The following MEF2A variants were observed in gnomAD, a reference collection of about 807,000 sequenced individuals.
The protein encoded by MEF2A is myocyte-specific enhancer factor 2A.
Under a neutral mutation model 55.8 loss-of-function variants are expected in MEF2A, and 28 were observed. The observed-to-expected ratio is 0.50, with a 90% CI of 0.37 to 0.69. The LOEUF (loss-of-function observed/expected upper bound fraction) is 0.69. Ranked by LOEUF, MEF2A falls within the 30% of genes least tolerant of loss-of-function variation. MEF2A has a pLI of 0.00. For missense variants in MEF2A, 528 were observed against 626.2 expected, an observed-to-expected ratio of 0.84 and a Z score of 1.67; for synonymous variants, 239 against 227.1, an observed-to-expected ratio of 1.05 and a Z score of -0.47.
chr15:99,579,306 G>GTT (rs372720996), intron 1 of MEF2A, among the ~76,000 whole-genome samples: 3 of 146,118 alleles, frequency 2.1e-5, no homozygotes, highest in African/African-American at 7.5e-5. Context: ...CTGCTTTAGG[G>GTT]TTTTTTTTTT....
chr15:99,596,033 T>C (rs7163683), intron 1 of MEF2A, among the ~76,000 whole-genome samples: 69,965 of 152,046 alleles, frequency 0.46, 17,753 homozygotes, highest in Middle Eastern at 0.61. Flanking sequence ...TAGTTTTTTT[T>C]TTTAAAGAGC....
chr15:99,672,891 G>T (rs1252958644), intron 5 of MEF2A, among the ~76,000 whole-genome samples: 1 of 152,150 alleles, frequency 6.6e-6, no homozygotes, highest in Admixed American at 6.5e-5. Context: ...AGATGTCTCT[G>T]TCTCAGCTAC....
At chr15:99,655,375 G>A (rs2047536258) in intron 4 of MEF2A, among the ~76,000 whole-genome samples, 1 of 152,100 alleles carries the variant, frequency 6.6e-6, no homozygotes, top group Non-Finnish European at 1.5e-5. Context: ...TTATGGAATA[G>A]CGGCTTTGCA....
chr15:99,593,132 C>T (rs774346337), intron 1 of MEF2A, among the ~76,000 whole-genome samples: 21 of 152,200 alleles, frequency 1.4e-4, no homozygotes, highest in African/African-American at 1.7e-4. Flanking sequence ...TCTAGAATCC[C>T]TCTGCAGATT....
chr15:99,705,840 A>T (rs1168961075), intron 9 of MEF2A, among the ~76,000 whole-genome samples: 1 of 152,230 alleles, frequency 6.6e-6, no homozygotes, highest in Non-Finnish European at 1.5e-5. Flanking sequence ...AAAAACAAAT[A>T]GAGTTGTGCT....
intron 1 of MEF2A, among the ~76,000 whole-genome samples, chr15:99,597,831 A>G (rs530443016): frequency 6.6e-6 from 1 of 152,266 alleles, no homozygotes; most frequent in Admixed American, 6.5e-5. Flanking sequence ...CCCGATAACT[A>G]GTGTTCCTTT....
At chr15:99,590,521 C>T (rs554651338) in intron 1 of MEF2A, among the ~76,000 whole-genome samples, 1 of 149,678 alleles carries the variant, frequency 6.7e-6, no homozygotes, top group South Asian at 2.2e-4. Context: ...TTAAGTGTAC[C>T]ATCTTGCCAT....
rs1057276315 is a variant in MEF2A at position 99,713,782 on chromosome 15, C to G, written c.*1011C>G. On this transcript the variant is annotated 3_prime_UTR_variant, in exon 12 of 12. Transcript: ENST00000557942. ...AAACAAAAATATCTTGCAAGCAGAA[C>G]CTTGGAAAAAAAAAGCCATGAACAC... 1 of 151,318 alleles carries G rather than the reference C, an allele frequency of 6.6e-6. No homozygotes were observed. The highest frequency in any genetic ancestry group is 1.5e-5 in the Non-Finnish European group (1 of 67,870). The allele number at this position is 151,318 out of a possible 1,614,324, so 9.4% of individuals were successfully genotyped here.
chr15:99,586,303 A>G (rs2152917796), intron 1 of MEF2A, among the ~76,000 whole-genome samples: 1 of 152,312 alleles, frequency 6.6e-6, no homozygotes, highest in Non-Finnish European at 1.5e-5. Flanking sequence ...TCAGTAGTAA[A>G]TGAGAGTTCC....
At chr15:99,649,941 T>A (rs1245914071) in intron 4 of MEF2A, among the ~76,000 whole-genome samples, 7 of 152,172 alleles carry the variant, frequency 4.6e-5, no homozygotes, top group East Asian at 1.9e-4. Context: ...TATAATTTTT[T>A]AAAAATAGCC....
intron 3 of MEF2A, among the ~76,000 whole-genome samples, chr15:99,642,755 G>GCACT (rs2045262417): frequency 6.6e-6 from 1 of 152,154 alleles, no homozygotes; most frequent in African/African-American, 2.4e-5. Context: ...GAATCTTGTA[G>GCACT]CACTAATCAG....
chr15:99,592,250 A>T (rs1969553963), intron 1 of MEF2A, among the ~76,000 whole-genome samples: 1 of 152,002 alleles, frequency 6.6e-6, no homozygotes, highest in Non-Finnish European at 1.5e-5. Flanking sequence ...CTCTGGGTGG[A>T]ACTTGAACAT....
At chr15:99,704,338 T>C (rs1263783635) in intron 9 of MEF2A, among the ~76,000 whole-genome samples, 1 of 152,242 alleles carries the variant, frequency 6.6e-6, no homozygotes, top group Non-Finnish European at 1.5e-5. Flanking sequence ...CTCACAGTTT[T>C]GGGTGTAGTT....
At chr15:99,689,670 G>A (rs2054989756) in intron 7 of MEF2A, among the ~76,000 whole-genome samples, 6 of 152,060 alleles carry the variant, frequency 3.9e-5, no homozygotes. Context: ...TAGTAGAGAC[G>A]GGGTTTCAAC....
chr15:99,690,956 A>G (rs2055307589), intron 8 of MEF2A, among the ~76,000 whole-genome samples: 1 of 152,224 alleles, frequency 6.6e-6, no homozygotes, highest in Admixed American at 6.5e-5. Context: ...AGAAAAGAGG[A>G]CTTGAAATGT....
intron 7 of MEF2A, among the ~76,000 whole-genome samples, chr15:99,686,509 G>A (rs1048297663): frequency 4.6e-5 from 7 of 152,138 alleles, no homozygotes; most frequent in Non-Finnish European, 8.8e-5. Flanking sequence ...ACTCTTGACC[G>A]GCAATTATTT....
At chr15:99,685,652 C>T (rs1017608741) in intron 7 of MEF2A, among the ~76,000 whole-genome samples, 1 of 152,118 alleles carries the variant, frequency 6.6e-6, no homozygotes. Flanking sequence ...CCCTGCATCC[C>T]TAGTATGAAA....
At chr15:99,667,125 G>T (rs1404329614) in intron 4 of MEF2A, among the ~76,000 whole-genome samples, 1 of 152,182 alleles carries the variant, frequency 6.6e-6, no homozygotes, top group East Asian at 1.9e-4. Flanking sequence ...GGGTTACTAG[G>T]AATCTCTTCC....
At chr15:99,678,381 T>C (rs937225137) in intron 7 of MEF2A, among the ~76,000 whole-genome samples, 2 of 152,222 alleles carry the variant, frequency 1.3e-5, no homozygotes, top group African/African-American at 4.8e-5. Flanking sequence ...GTTTATTCTG[T>C]ATTATAAGCA....
Sources: gnomAD v4.1 joint callset for allele counts (sites outside exome capture counted in the v4.1 genomes callset) on GRCh38, gnomAD v4.1.1 for gene constraint, MANE v1.5 for transcripts, NCBI Gene and HGNC (gene_info 2026-07-23, HGNC 2026-07-21) for gene names.